The following GRIN2B variants were observed in gnomAD, a reference collection of about 807,000 sequenced individuals.
GRIN2B encodes glutamate ionotropic receptor NMDA type subunit 2B, also known as glutamate receptor ionotropic, NMDA 2B.
Under a neutral mutation model 114.5 loss-of-function variants are expected in GRIN2B, and 5 were observed. The ratio of observed to expected loss-of-function variants is 0.04; its 90% CI spans 0.02 to 0.09. GRIN2B has a LOEUF of 0.09. GRIN2B is among the 10% of genes least tolerant of loss of function. The pLI, the probability that GRIN2B is intolerant of heterozygous loss-of-function variation, is 1.00. For missense variants in GRIN2B, 1,108 were observed against 1,943.5 expected (o/e 0.57, Z 8.08); for synonymous variants, 787 against 745.1 (o/e 1.06, Z -0.92).
intron 13 of GRIN2B, among the ~76,000 whole-genome samples, 159 bp downstream of exon 13, chr12:13,566,866 A>G (rs980641865): frequency 6.6e-6 from 1 of 152,212 alleles, no homozygotes; most frequent in African/African-American, 2.4e-5. Flanking sequence ...AGCCACTTGC[A>G]ATCATATCAC....
chr12:13,815,668 C>G (rs969679817), intron 3 of GRIN2B, among the ~76,000 whole-genome samples: 3 of 152,228 alleles, frequency 2.0e-5, no homozygotes, highest in Non-Finnish European at 4.4e-5. Context: ...GGTTTTTAGT[C>G]TAACAAAATA....
At chr12:13,744,414 A>C (rs928737362) in intron 4 of GRIN2B, among the ~76,000 whole-genome samples, 2 of 152,240 alleles carry the variant, frequency 1.3e-5, no homozygotes, top group Non-Finnish European at 2.9e-5. Flanking sequence ...TGCACACATG[A>C]ATATGAGTGT....
At chr12:13,595,891 C>T (rs1202538710) in intron 10 of GRIN2B, among the ~76,000 whole-genome samples, 3 of 152,120 alleles carry the variant, frequency 2.0e-5, no homozygotes, top group Non-Finnish European at 4.4e-5. Context: ...CAGAAAATTG[C>T]TCAGTGCTCC....
At position 13,877,922 on chromosome 12, in the gene GRIN2B, G is replaced by A. The variant is rs370064194; in HGVS notation, c.-18-11696C>T. Among the ~76,000 whole-genome samples the A allele has an allele frequency of 4.6e-5, 7 of 151,974 alleles. No individual in the cohort carries two copies. In the South Asian group the frequency reaches 1.0e-3, roughly 23 times the overall value. On this transcript the variant is annotated intron_variant, in intron 2 of 13. Transcript: ENST00000609686. Reference sequence around the variant, plus strand: ...TACTAAAAATACAAAAAATTAGCTGGGGGTAGTGGCACACACCTGTAGTCC... The same window carrying A: ...TACTAAAAATACAAAAAATTAGCTGAGGGTAGTGGCACACACCTGTAGTCC...
intron 10 of GRIN2B, among the ~76,000 whole-genome samples, chr12:13,589,971 G>A (rs543078769): frequency 1.5e-4 from 23 of 152,132 alleles, no homozygotes; most frequent in Non-Finnish European, 2.4e-4. Context: ...ATCAACTATG[G>A]CAATAAAAAC....
intron 5 of GRIN2B, among the ~76,000 whole-genome samples, chr12:13,645,051 T>C (rs1949749828): frequency 6.6e-6 from 1 of 152,152 alleles, no homozygotes; most frequent in African/African-American, 2.4e-5. Flanking sequence ...AGCTTTCCTT[T>C]TCATTCACAA....
intron 3 of GRIN2B, among the ~76,000 whole-genome samples, chr12:13,786,585 TGGTGATCAGGGTCCGGAGGCTA>T (rs1457157336): frequency 6.6e-6 from 1 of 151,664 alleles, no homozygotes; most frequent in Admixed American, 6.6e-5. Flanking sequence ...CCATTGGCCG[TGGTGATCAGGGTCCGGAGGCTA>T]GGGGCTGAGA....
intron 3 of GRIN2B, among the ~76,000 whole-genome samples, chr12:13,846,394 A>G (rs1047430743): frequency 6.6e-6 from 1 of 152,238 alleles, no homozygotes; most frequent in Non-Finnish European, 1.5e-5. Context: ...TATTGGTGAC[A>G]TATACCTTCC....
chr12:13,778,794 C>T (rs751389378), intron 3 of GRIN2B, among the ~76,000 whole-genome samples: 22 of 152,152 alleles, frequency 1.4e-4, no homozygotes, highest in East Asian at 1.2e-3. Context: ...CTCACTTGAT[C>T]GTTCATTCTT....
At chr12:13,779,175 C>T (rs1223179098) in intron 3 of GRIN2B, among the ~76,000 whole-genome samples, 2 of 152,172 alleles carry the variant, frequency 1.3e-5, no homozygotes, top group Non-Finnish European at 2.9e-5. Context: ...TCCCAAGTAG[C>T]TGGGATTACA....
intron 3 of GRIN2B, among the ~76,000 whole-genome samples, chr12:13,855,993 G>A (rs952614195): frequency 6.6e-6 from 1 of 152,200 alleles, no homozygotes; most frequent in East Asian, 1.9e-4. Context: ...TCTACAGCAA[G>A]AGAGACAGAT....
intron 2 of GRIN2B, among the ~76,000 whole-genome samples, chr12:13,875,450 C>A (rs1865979187): frequency 2.0e-5 from 3 of 152,140 alleles, no homozygotes; most frequent in South Asian, 2.1e-4. Context: ...TCGCTTGAAC[C>A]CAGGAGGTGG....
intron 4 of GRIN2B, among the ~76,000 whole-genome samples, chr12:13,750,233 G>A (rs1863458642): frequency 1.3e-5 from 2 of 152,180 alleles, no homozygotes; most frequent in African/African-American, 4.8e-5. Flanking sequence ...GGAAAAGACG[G>A]ATGTGGGCCT....
chr12:13,847,614 T>TG (rs1381177333), intron 3 of GRIN2B, among the ~76,000 whole-genome samples: 1 of 150,558 alleles, frequency 6.6e-6, no homozygotes, highest in African/African-American at 2.4e-5. Context: ...TCACAGGAGA[T>TG]GGGGGGGAGG....
chr12:13,780,353 T>C (rs892007224), intron 3 of GRIN2B, among the ~76,000 whole-genome samples: 2 of 152,190 alleles, frequency 1.3e-5, no homozygotes, highest in Non-Finnish European at 2.9e-5. Flanking sequence ...CTAGCCAGTA[T>C]TTCATGAAGG....
intron 4 of GRIN2B, among the ~76,000 whole-genome samples, chr12:13,715,963 T>C (rs1950451775): frequency 6.6e-6 from 1 of 151,876 alleles, no homozygotes; most frequent in African/African-American, 2.4e-5. Flanking sequence ...TGCTTACAAC[T>C]CCCATAATAT....
At chr12:13,633,894 C>T (rs1051422135) in intron 5 of GRIN2B, among the ~76,000 whole-genome samples, 44 of 151,616 alleles carry the variant, frequency 2.9e-4, no homozygotes, top group African/African-American at 1.0e-3. Context: ...TCCCTCTCAG[C>T]GCCTACGACA....
At chr12:13,980,679 C>T (rs1008412894) in intron 1 of GRIN2B, among the ~76,000 whole-genome samples, 1 of 152,086 alleles carries the variant, frequency 6.6e-6, no homozygotes, top group Admixed American at 6.6e-5. Context: ...CGGCACCATA[C>T]AGCAACACAC....
intron 4 of GRIN2B, among the ~76,000 whole-genome samples, chr12:13,701,597 C>G (rs974527655): frequency 3.9e-5 from 6 of 151,992 alleles, no homozygotes; most frequent in African/African-American, 1.2e-4. Context: ...TTTCATCCCT[C>G]CAACTACAAC....
Sources: allele counts gnomAD v4.1 joint callset (sites outside exome capture counted in the v4.1 genomes callset), GRCh38; gene constraint gnomAD v4.1.1; transcripts MANE v1.5; gene names NCBI Gene and HGNC (gene_info 2026-07-23, HGNC 2026-07-21).